Variants in ZFHX3 observed in about 807,000 individuals in gnomAD.
ZFHX3 encodes the protein zinc finger homeobox protein 3.
In ZFHX3, 42 loss-of-function variants were observed where a neutral mutation model predicts 279.1. The observed-to-expected ratio is 0.15, with a 90% CI of 0.12 to 0.19. The LOEUF (loss-of-function observed/expected upper bound fraction) is 0.19, where lower values mean the gene tolerates loss of function less well. Ranked by LOEUF, ZFHX3 falls within the 10% of genes least tolerant of loss-of-function variation. The pLI is 1.00. For missense variants in ZFHX3, 4,981 were observed against 4,754.0 expected (o/e 1.05, Z -1.40); for synonymous variants, 2,293 against 1,957.8 (o/e 1.17, Z -4.52).
intron 8 of ZFHX3, among the ~76,000 whole-genome samples, chr16:73,072,176 T>A (rs1276207987): frequency 6.6e-6 from 1 of 152,048 alleles, no homozygotes; most frequent in African/African-American, 2.4e-5. Flanking sequence ...GTAGGCCAGG[T>A]GGGGTGGCTC....
Position 73,275,038 on chromosome 16 carries a change from G to A in ZFHX3, c.-1193-17902C>T, listed in dbSNP as rs913849359. On this transcript the variant is annotated intron_variant, in intron 4 of 17. Coordinates refer to the ZFHX3 transcript ENST00000641206. ...AGCCTCTGGATTCAAGCACAGAGAT[G>A]TACAGAGCCTGCTAATTTCCCACCT... 3.9e-5 allele frequency among the ~76,000 whole-genome samples: 6 copies of A among 152,262 alleles called. No homozygotes were observed. The East Asian group carries it at 9.7e-4, about 24-fold the overall frequency.
At chr16:73,537,554 G>A (rs1315280764) in intron 2 of ZFHX3, among the ~76,000 whole-genome samples, 1 of 152,044 alleles carries the variant, frequency 6.6e-6, no homozygotes, top group African/African-American at 2.4e-5. Context: ...CTGACCTCGT[G>A]ATTCACCCGC....
At chr16:73,514,355 A>G (rs928467776) in intron 2 of ZFHX3, among the ~76,000 whole-genome samples, 2 of 152,226 alleles carry the variant, frequency 1.3e-5, no homozygotes, top group Non-Finnish European at 2.9e-5. Flanking sequence ...TGCTGCTACT[A>G]TTAATAATAG....
chr16:73,003,514 C>CA (rs1307365379), intron 1 of ZFHX3, among the ~76,000 whole-genome samples: 1 of 135,142 alleles, frequency 7.4e-6, no homozygotes, highest in Non-Finnish European at 1.6e-5. Context: ...ATGGTGAGAC[C>CA]CCCCCCTCCC....
chr16:73,044,481 G>C lies in ZFHX3; in HGVS notation c.-50+3271C>G, dbSNP rs1280594393. Among the ~76,000 whole-genome samples the C allele has an allele frequency of 2.6e-5, 4 of 152,074 alleles. No individual in the cohort carries two copies. The South Asian group carries it at 8.3e-4, about 32-fold the overall frequency. On this transcript the variant is annotated intron_variant, in intron 1 of 9. Transcript: ENST00000268489. ...GACAGGCATCTTCAGTGTGCAGTACGAGTGAGGGTGAGATGGAGTTTATAT... is the reference window on the plus strand; with the variant it reads ...GACAGGCATCTTCAGTGTGCAGTACCAGTGAGGGTGAGATGGAGTTTATAT...
At chr16:73,384,491 GC>G (rs2016866103) in intron 3 of ZFHX3, among the ~76,000 whole-genome samples, 1 of 152,220 alleles carries the variant, frequency 6.6e-6, no homozygotes, top group African/African-American at 2.4e-5. Flanking sequence ...AAGGTTTTAG[GC>G]ACTCTCTTTT....
intron 1 of ZFHX3, among the ~76,000 whole-genome samples, chr16:73,761,973 C>T (rs1484776346): frequency 6.6e-6 from 1 of 151,880 alleles, no homozygotes; most frequent in East Asian, 1.9e-4. Context: ...AAAAACCAAA[C>T]TTGACAAATG....
chr16:73,879,825 CCA>C (rs138251480), intron 1 of ZFHX3, among the ~76,000 whole-genome samples: 4 of 149,816 alleles, frequency 2.7e-5, no homozygotes, highest in Non-Finnish European at 1.5e-5. Flanking sequence ...ACTGGCGCAC[CCA>C]CACACACACA....
At chr16:73,586,271 C>T (rs1032533357) in intron 2 of ZFHX3, among the ~76,000 whole-genome samples, 1 of 150,140 alleles carries the variant, frequency 6.7e-6, no homozygotes, top group Non-Finnish European at 1.5e-5. Context: ...TGCCTGTAAT[C>T]CCAGCTACTC....
rs143456923 is a variant in ZFHX3, at chr16:72,942,587, T to C, written c.3216+7882A>G. ...GCTGCTCAGCCTAAGTCAGGGGCCA[T>C]GGTATACCTTTGGAATCCAAAAGGA... On this transcript the variant is annotated intron_variant, in intron 3 of 9. Coordinates refer to ENST00000268489, the MANE Select transcript of ZFHX3 (RefSeq NM_006885.4). 1.3e-3 allele frequency among the ~76,000 whole-genome samples: 202 copies of C among 152,306 alleles called. 1 individual carries two copies. Among genetic ancestry groups the C allele is most frequent in the Middle Eastern group, 3.4e-3 (1 of 294 alleles).
intron 4 of ZFHX3, among the ~76,000 whole-genome samples, chr16:72,887,065 G>C (rs894454894): frequency 6.6e-6 from 1 of 152,158 alleles, no homozygotes; most frequent in African/African-American, 2.4e-5. Flanking sequence ...ACTGACTGTC[G>C]AAACCTCAAC....
chr16:73,336,791 C>T (rs966095141), intron 3 of ZFHX3, among the ~76,000 whole-genome samples: 10 of 152,078 alleles, frequency 6.6e-5, no homozygotes, highest in African/African-American at 2.2e-4. Context: ...TGTTCTCTGC[C>T]GTCTTTGCAA....
chr16:72,845,550 C>T (rs1409980557), intron 4 of ZFHX3, among the ~76,000 whole-genome samples: 1 of 152,208 alleles, frequency 6.6e-6, no homozygotes, highest in Non-Finnish European at 1.5e-5. Flanking sequence ...ACGCCACGTG[C>T]TCCCACGCTC....
chr16:73,319,091 G>C (rs1222399159), intron 3 of ZFHX3, among the ~76,000 whole-genome samples: 1 of 151,274 alleles, frequency 6.6e-6, no homozygotes, highest in African/African-American at 2.4e-5. Flanking sequence ...GTGCTGAGGG[G>C]AGGGGAGGGG....
At chr16:73,668,551 T>C (rs1288835606) in intron 2 of ZFHX3, among the ~76,000 whole-genome samples, 1 of 152,060 alleles carries the variant, frequency 6.6e-6, no homozygotes, top group Non-Finnish European at 1.5e-5. Flanking sequence ...TGAGAACATG[T>C]GGTGTTTGGT....
rs775359750 is a variant in ZFHX3, at chr16:72,788,109, T to TTGCTGCTGCTGCTGCTGTAGTTGCCGC, written c.10140_10166dup (p.Arg3381_Gln3389dup). ...CTTTGGGCTGCTGCTGCTGCACTTTTTGCTGCTGCTGCTGCTGTAGTTGCC... is the reference window on the plus strand; with the variant it reads ...CTTTGGGCTGCTGCTGCTGCACTTTTTGCTGCTGCTGCTGCTGTAGTTGCCGCTGCTGCTGCTGCTGCTGTAGTTGCC... On this transcript the variant is annotated inframe_insertion, in exon 10 of 10. Coordinates refer to ENST00000268489, the MANE Select transcript of ZFHX3 (RefSeq NM_006885.4). 6.2e-6 allele frequency: 10 copies of TTGCTGCTGCTGCTGCTGTAGTTGCCGC among 1,607,940 alleles called. No homozygotes were observed. The highest frequency in any genetic ancestry group is 2.2e-5 in the South Asian group (2 of 90,704).
intron 4 of ZFHX3, among the ~76,000 whole-genome samples, chr16:73,257,687 G>A (rs2013697767): frequency 6.6e-6 from 1 of 152,188 alleles, no homozygotes; most frequent in South Asian, 2.1e-4. Flanking sequence ...CTTCTATTCA[G>A]TAAGATGGTA....
At chr16:73,385,346 A>C (rs1270309811) in intron 3 of ZFHX3, among the ~76,000 whole-genome samples, 1 of 152,130 alleles carries the variant, frequency 6.6e-6, no homozygotes, top group East Asian at 1.9e-4. Flanking sequence ...GGCCATGAAC[A>C]CTCCTGCATG....
rs146608667 is a variant in ZFHX3, at chr16:73,598,564, C to T, written c.-1547+81616G>A. On this transcript the variant is annotated intron_variant, in intron 2 of 17. Transcript: ENST00000641206. ...TCCTGAGTAGCTAGGACCACAAGCA[C>T]GCATCGCCACGCCCGACCAATTTTT... is the stretch of plus-strand genomic sequence containing the variant. Among the ~76,000 whole-genome samples, 759 of 151,746 alleles carry T rather than the reference C, an allele frequency of 5.0e-3. 4 individuals carry two copies. Among genetic ancestry groups the T allele is most frequent in the Middle Eastern group, 0.027 (8 of 294 alleles).
Sources: allele counts gnomAD v4.1 joint callset (sites outside exome capture counted in the v4.1 genomes callset), GRCh38; gene constraint gnomAD v4.1.1; transcripts MANE v1.5; gene names NCBI Gene and HGNC (gene_info 2026-07-23, HGNC 2026-07-21).